KIF14: variants seen among roughly 807,000 people sequenced by gnomAD.
KIF14 encodes the protein kinesin family member 14.
A neutral mutation model predicts 176.2 loss-of-function variants in KIF14; 98 were observed. The observed-to-expected ratio is 0.56, with a 90% CI of 0.47 to 0.66. KIF14 has a LOEUF of 0.66. Among genes scored for constraint, KIF14 ranks in the 30% least tolerant of loss-of-function variants. The pLI is 0.00. For missense variants in KIF14, 1,751 were observed against 1,920.4 expected (o/e 0.91, Z 1.65); for synonymous variants, 566 against 632.2 (o/e 0.90, Z 1.57).
chr1:200,595,462 C>A lies in KIF14; in HGVS notation c.2550-1693G>T, dbSNP rs186966547. Among the ~76,000 whole-genome samples the A allele has an allele frequency of 1.1e-4, 17 of 152,144 alleles. No individual in the cohort carries two copies. The East Asian group carries it at 1.2e-3, about 10-fold the overall frequency. On this transcript the variant is annotated intron_variant, in intron 14 of 29. Coordinates refer to ENST00000367350, the MANE Select transcript of KIF14 (RefSeq NM_014875.3). ...TGAACAAGATAAACTGAGGAAGGTACGAAAAATGGAAGTAGAGAGTTAGAG... is the reference window on the plus strand; with the variant it reads ...TGAACAAGATAAACTGAGGAAGGTAAGAAAAATGGAAGTAGAGAGTTAGAG...
At chr1:200,576,456 C>T (rs1256522476) in intron 21 of KIF14, among the ~76,000 whole-genome samples, 3 of 132,700 alleles carry the variant, frequency 2.3e-5, no homozygotes, top group East Asian at 2.2e-4. Context: ...CCAGCCTGGG[C>T]GACAGAGCGA....
At chr1:200,578,272 T>C (rs908424865) in intron 21 of KIF14, among the ~76,000 whole-genome samples, 1 of 152,152 alleles carries the variant, frequency 6.6e-6, no homozygotes, top group Non-Finnish European at 1.5e-5. Flanking sequence ...TTTGTTTTAT[T>C]TTGTTTTTAT....
intron 17 of KIF14, among the ~76,000 whole-genome samples, chr1:200,589,671 CTTTTTTTTTTTTTTTTTT>C (rs1204882989): frequency 1.3e-5 from 1 of 76,530 alleles, no homozygotes; most frequent in Non-Finnish European, 2.3e-5. Context: ...CAACTTTTTT[CTTTTTTTTTTTTTTTTTT>C]TTTTTTTTGA....
chr1:200,590,819 G>A (rs1189660152), intron 16 of KIF14, among the ~76,000 whole-genome samples: 1 of 152,168 alleles, frequency 6.6e-6, no homozygotes, highest in African/African-American at 2.4e-5. Context: ...GAGCTCAGGA[G>A]TTCGAGACCA....
At chr1:200,589,679 T>C (rs913715021) in intron 17 of KIF14, among the ~76,000 whole-genome samples, 28 of 135,730 alleles carry the variant, frequency 2.1e-4, no homozygotes, top group African/African-American at 4.3e-4. Flanking sequence ...TTCTTTTTTT[T>C]TTTTTTTTTT....
intron 6 of KIF14, 122 bp downstream of exon 6, chr1:200,606,624 A>G: frequency 1.2e-6 from 1 of 838,054 alleles, no homozygotes; most frequent in Non-Finnish European, 2.0e-6. Context: ...GGCTAAATAA[A>G]TAGTTACCCA....
intron 1 of KIF14, among the ~76,000 whole-genome samples, chr1:200,620,091 T>A (rs976960056): frequency 6.6e-6 from 1 of 152,214 alleles, no homozygotes; most frequent in Non-Finnish European, 1.5e-5. Context: ...GCTTTTAAAT[T>A]TTTACATAAA....
intron 25 of KIF14, among the ~76,000 whole-genome samples, chr1:200,564,795 C>T (rs1362234236): frequency 2.0e-5 from 3 of 152,132 alleles, no homozygotes; most frequent in Non-Finnish European, 4.4e-5. Context: ...TCCTCATCTA[C>T]AAGATGGTGA....
chr1:200,570,332 T>C (rs1430633343), intron 22 of KIF14, among the ~76,000 whole-genome samples: 1 of 152,184 alleles, frequency 6.6e-6, no homozygotes, highest in African/African-American at 2.4e-5. Flanking sequence ...GGCAAATAAT[T>C]ACAGTAAAGT....
At chr1:200,558,919 G>T (rs1656980764) in intron 27 of KIF14, among the ~76,000 whole-genome samples, 1 of 152,166 alleles carries the variant, frequency 6.6e-6, no homozygotes, top group South Asian at 2.1e-4. Context: ...AATATCTTAT[G>T]TGAATGCCCC....
chr1:200,606,928 A>C (rs967091094), intron 5 of KIF14, 130 bp from the exon 6 acceptor site: 11 of 782,404 alleles, frequency 1.4e-5, no homozygotes, highest in African/African-American at 3.5e-5. Flanking sequence ...AAAAAAAAAA[A>C]CCACAAAAAC....
intron 10 of KIF14, among the ~76,000 whole-genome samples, chr1:200,602,986 G>A (rs1158485628): frequency 1.3e-5 from 2 of 152,050 alleles, no homozygotes; most frequent in Non-Finnish European, 2.9e-5. Context: ...CCCCTAAAAG[G>A]TATTGATTTT....
chr1:200,619,803 AC>A (rs1485907717), intron 1 of KIF14, among the ~76,000 whole-genome samples: 1 of 152,220 alleles, frequency 6.6e-6, no homozygotes, highest in African/African-American at 2.4e-5. Context: ...TAAACAGACA[AC>A]CTGCCCTTTA....
chr1:200,581,761 CTTTTTTTTTT>C, intron 19 of KIF14, among the ~76,000 whole-genome samples: 1 of 83,048 alleles, frequency 1.2e-5, no homozygotes, highest in East Asian at 4.0e-4. Context: ...TTTCACTTTC[CTTTTTTTTTT>C]TTTTTTTTTT....
At chr1:200,589,926 T>C (rs1658966799) in intron 17 of KIF14, among the ~76,000 whole-genome samples, 199 bp downstream of exon 17, 1 of 152,090 alleles carries the variant, frequency 6.6e-6, no homozygotes, top group Non-Finnish European at 1.5e-5. Flanking sequence ...GAGCTGGGAT[T>C]ACGGGCATGA....
chr1:200,586,587 T>C (rs1177252481), intron 18 of KIF14, among the ~76,000 whole-genome samples: 6 of 151,066 alleles, frequency 4.0e-5, no homozygotes, highest in East Asian at 3.9e-4. Context: ...TTTGATGACA[T>C]AAATTAATCT....
chr1:200,562,654 A>T (rs1222468004), intron 25 of KIF14, among the ~76,000 whole-genome samples: 1 of 152,036 alleles, frequency 6.6e-6, no homozygotes, highest in Non-Finnish European at 1.5e-5. Context: ...CTTAAGTCAG[A>T]CCCTTCGCTT....
chr1:200,574,254 T>C (rs1394976270), intron 22 of KIF14, among the ~76,000 whole-genome samples: 1 of 152,174 alleles, frequency 6.6e-6, no homozygotes, highest in Non-Finnish European at 1.5e-5. Context: ...TAAACCCAAA[T>C]ATACACCTGG....
At chr1:200,595,029 T>C (rs1228737881) in intron 14 of KIF14, among the ~76,000 whole-genome samples, 1 of 152,202 alleles carries the variant, frequency 6.6e-6, no homozygotes, top group African/African-American at 2.4e-5. Context: ...CTCCCTCATC[T>C]GCCACTATTT....
Sources: allele counts gnomAD v4.1 joint callset (sites outside exome capture counted in the v4.1 genomes callset), GRCh38; gene constraint gnomAD v4.1.1; transcripts MANE v1.5; gene names NCBI Gene and HGNC (gene_info 2026-07-23, HGNC 2026-07-21).